TACC1: variants seen among roughly 807,000 people sequenced by gnomAD.
The protein encoded by TACC1 is transforming acidic coiled-coil-containing protein 1.
TACC1 carries 48 observed loss-of-function variants against 84.4 expected under a neutral mutation model. The observed-to-expected ratio is 0.57, with a 90% CI of 0.45 to 0.72. TACC1 has a LOEUF of 0.72. Among genes scored for constraint, TACC1 ranks in the 30% least tolerant of loss-of-function variants. The probability of loss-of-function intolerance (pLI) is 0.00; values close to 1 mark genes in which losing one functional copy is unlikely to be tolerated. For synonymous variants in TACC1, 372 were observed against 376.3 expected, an observed-to-expected ratio of 0.99 and a Z score of 0.13; for missense variants, 920 against 973.0, an observed-to-expected ratio of 0.95 and a Z score of 0.72.
chr8:38,782,019 T>C (rs73613033), intron 3 of TACC1, among the ~76,000 whole-genome samples: 29,569 of 151,274 alleles, frequency 0.2, 3,461 homozygotes, highest in Non-Finnish European at 0.27. Flanking sequence ...AGATTTCTTT[T>C]TTTTTCTTTT....
intron 9 of TACC1, 54 bp downstream of exon 9, chr8:38,840,321 C>A: frequency 1.3e-6 from 2 of 1,500,494 alleles, no homozygotes; most frequent in South Asian, 2.3e-5. Flanking sequence ...CTGTCTTAGT[C>A]TGTTCAGCCT....
chr8:38,779,215 T>G (rs1815451730), intron 3 of TACC1, among the ~76,000 whole-genome samples: 1 of 152,188 alleles, frequency 6.6e-6, no homozygotes, highest in African/African-American at 2.4e-5. Context: ...GCTCAAGTTA[T>G]CCTCCTGCCT....
At chr8:38,769,718 T>G (rs111205518) in intron 3 of TACC1, among the ~76,000 whole-genome samples, 14 of 142,178 alleles carry the variant, frequency 9.8e-5, no homozygotes, top group Non-Finnish European at 1.7e-4. Context: ...GTGGTGTGTG[T>G]GTGAGACTGG....
upstream of TACC1, among the ~76,000 whole-genome samples, chr8:38,783,642 T>A (rs6474500): frequency 0.26 from 39,020 of 152,012 alleles, 5,327 homozygotes; most frequent in African/African-American, 0.3. Flanking sequence ...GCTGGTCTCA[T>A]ACTCCTGACC....
At chr8:38,817,088 G>A (rs180716918) in intron 2 of TACC1, among the ~76,000 whole-genome samples, 2 of 152,272 alleles carry the variant, frequency 1.3e-5, no homozygotes, top group Non-Finnish European at 2.9e-5. Flanking sequence ...GACAAAATAC[G>A]TATTTTTATT....
At chr8:38,843,500 G>A (rs776119466) in intron 11 of TACC1, 105 bp downstream of exon 11, 2 of 740,546 alleles carry the variant, frequency 2.7e-6, no homozygotes, top group Non-Finnish European at 4.2e-6. Context: ...ATTTTTATGT[G>A]TGTGTTTATT....
intron 2 of TACC1, among the ~76,000 whole-genome samples, chr8:38,809,535 G>A (rs1348434639): frequency 2.0e-5 from 3 of 152,160 alleles, no homozygotes; most frequent in Admixed American, 1.3e-4. Flanking sequence ...AAAGCAGCTG[G>A]TGGAGATGAT....
In TACC1 at chr8:38,840,362, T is replaced by C. The variant is rs540665799; in HGVS notation, c.1960+95T>C. 7.3e-4 allele frequency: 835 copies of C among 1,137,838 alleles called. 1 individual carries two copies. Among genetic ancestry groups the C allele is most frequent in the Non-Finnish European group, 9.9e-4 (766 of 771,422 alleles). 70.5% of individuals were successfully genotyped at this position (1,137,838 alleles called of 1,614,324 possible). A position where few individuals can be genotyped will look rare whatever the true frequency, so the allele number is the denominator to read the frequency against. On this transcript the variant is annotated intron_variant, in intron 9 of 12. Coordinates refer to ENST00000317827, the MANE Select transcript of TACC1 (RefSeq NM_006283.3). ...AACAAAATATGTAAGCTAGGTAGCT[T>C]ATAAACAACAAACATTTTTCATAGC...
At chr8:38,746,117 G>A (rs1227676336) in intron 3 of TACC1, among the ~76,000 whole-genome samples, 1 of 152,190 alleles carries the variant, frequency 6.6e-6, no homozygotes. Context: ...CTGCCCAGCC[G>A]GCAAGGGCTT....
chr8:38,754,120 A>G (rs1809571508), intron 3 of TACC1, among the ~76,000 whole-genome samples: 2 of 151,612 alleles, frequency 1.3e-5, no homozygotes. Flanking sequence ...CACTTGGCTA[A>G]TTTTTTAAAT....
chr8:38,775,873 G>A (rs1006302965), intron 3 of TACC1, among the ~76,000 whole-genome samples: 1 of 152,158 alleles, frequency 6.6e-6, no homozygotes, highest in East Asian at 1.9e-4. Context: ...GGATAAACTC[G>A]CTCTTGCTTG....
chr8:38,733,653 T>C (rs1000985612), intron 1 of TACC1, among the ~76,000 whole-genome samples: 3 of 152,034 alleles, frequency 2.0e-5, no homozygotes, highest in Admixed American at 6.6e-5. Flanking sequence ...CCGGCAGCAG[T>C]AGGAAGCGGG....
chr8:38,746,182 A>G (rs1204296715), intron 3 of TACC1, among the ~76,000 whole-genome samples: 1 of 152,164 alleles, frequency 6.6e-6, no homozygotes, highest in Non-Finnish European at 1.5e-5. Context: ...TCTATGATGA[A>G]GTTTAAAAAT....
chr8:38,753,929 C>CTTTCTTTCTTTCTTTCT (rs370460992), intron 3 of TACC1, among the ~76,000 whole-genome samples: 1 of 120,746 alleles, frequency 8.3e-6, no homozygotes, highest in Non-Finnish European at 1.8e-5. Context: ...TTCTTTCTTT[C>CTTTCTTTCTTTCTTTCT]TTCTTTCTCT....
At chr8:38,790,381 T>C (rs1274023726) in intron 2 of TACC1, among the ~76,000 whole-genome samples, 2 of 152,226 alleles carry the variant, frequency 1.3e-5, no homozygotes, top group Admixed American at 1.3e-4. Flanking sequence ...CTTTAACATA[T>C]CATTTTGAGA....
chr8:38,744,368 A>G (rs907655370), intron 2 of TACC1, among the ~76,000 whole-genome samples: 2 of 152,090 alleles, frequency 1.3e-5, no homozygotes, highest in African/African-American at 4.8e-5. Context: ...CACCCGTCTC[A>G]GCCTCCCAAA....
exon 3 of TACC1, chr8:38,745,112 T>C: frequency 5.3e-6 from 1 of 189,670 alleles, no homozygotes; most frequent in Non-Finnish European, 1.1e-5. Flanking sequence ...TGAAAATAAA[T>C]GAAGGAATCC....
At chr8:38,757,527 G>A in intron 3 of TACC1, 2 of 1,106,824 alleles carry the variant, frequency 1.8e-6, no homozygotes, top group Non-Finnish European at 2.2e-6. Context: ...GCTGGCGGCA[G>A]CGGGGCACGA....
At chr8:38,788,407 G>A (rs571152396) in intron 1 of TACC1, 13 of 287,514 alleles carry the variant, frequency 4.5e-5, no homozygotes, top group Non-Finnish European at 8.6e-5. Context: ...GAGTCTGTTG[G>A]AAAAGCGCAT....
Sources: allele counts gnomAD v4.1 joint callset (sites outside exome capture counted in the v4.1 genomes callset), GRCh38; gene constraint gnomAD v4.1.1; transcripts MANE v1.5; gene names NCBI Gene and HGNC (gene_info 2026-07-23, HGNC 2026-07-21).